Variants in C12orf42 observed in about 807,000 individuals in gnomAD.
C12orf42 encodes the protein chromosome 12 open reading frame 42.
Under a neutral mutation model 21.6 loss-of-function variants are expected in C12orf42, and 25 were observed. That is an observed-to-expected ratio of 1.16 (90% CI 0.84 to 1.62). The LOEUF (loss-of-function observed/expected upper bound fraction) is 1.62. Among genes scored for constraint, C12orf42 ranks in the 40% most tolerant of loss-of-function variants. The pLI, the probability that C12orf42 is intolerant of heterozygous loss-of-function variation, is 0.00. For missense variants in C12orf42, 483 were observed against 459.3 expected, an observed-to-expected ratio of 1.05 and a Z score of -0.47; for synonymous variants, 174 against 175.0, an observed-to-expected ratio of 0.99 and a Z score of 0.05.
chr12:103,073,949 A>T, the C12orf42 span, among the ~76,000 whole-genome samples: 2 of 152,094 alleles, frequency 1.3e-5, no homozygotes, highest in African/African-American at 4.8e-5. Flanking sequence ...TACACAGCTA[A>T]TTCTCCTCAT....
chr12:103,490,187 C>A (rs1214899697), intron 1 of C12orf42, among the ~76,000 whole-genome samples: 1 of 152,200 alleles, frequency 6.6e-6, no homozygotes, highest in Non-Finnish European at 1.5e-5. Context: ...AACAGCCTAT[C>A]TTCTGTATTG....
intron 2 of C12orf42, among the ~76,000 whole-genome samples, chr12:103,457,495 T>C (rs754928119): frequency 6.6e-6 from 1 of 152,174 alleles, no homozygotes; most frequent in Non-Finnish European, 1.5e-5. Flanking sequence ...TACATCCCTG[T>C]ACACTGTATT....
chr12:103,364,721 T>C (rs1384133406), intron 4 of C12orf42, among the ~76,000 whole-genome samples: 1 of 151,902 alleles, frequency 6.6e-6, no homozygotes, highest in South Asian at 2.1e-4. Flanking sequence ...CTACATAAAA[T>C]AGAAAACCTA....
intron 4 of C12orf42, among the ~76,000 whole-genome samples, chr12:103,287,855 G>A (rs571154344): frequency 3.3e-5 from 5 of 152,146 alleles, no homozygotes; most frequent in South Asian, 2.1e-4. Context: ...ACTTGTCACT[G>A]GAGTGAAAGT....
chr12:103,484,482 A>G (rs935129139), intron 1 of C12orf42, among the ~76,000 whole-genome samples: 2 of 152,094 alleles, frequency 1.3e-5, no homozygotes, highest in African/African-American at 2.4e-5. Context: ...GTCTGTTAGT[A>G]TCCTTTGCCC....
intron 2 of C12orf42, among the ~76,000 whole-genome samples, chr12:103,452,697 T>TA (rs1225524874): frequency 1.3e-5 from 2 of 151,866 alleles, no homozygotes; most frequent in Non-Finnish European, 1.5e-5. Flanking sequence ...TATGCAGCCA[T>TA]AAAAAAGGAT....
the C12orf42 span, among the ~76,000 whole-genome samples, chr12:103,184,349 G>A: frequency 0.36 from 54,974 of 152,064 alleles, 10,592 homozygotes; most frequent in South Asian, 0.44. Flanking sequence ...TTTATCAGGT[G>A]TTAATATAGT....
intron 1 of C12orf42, among the ~76,000 whole-genome samples, chr12:103,494,906 G>T (rs1955418951): frequency 6.6e-6 from 1 of 152,168 alleles, no homozygotes; most frequent in Non-Finnish European, 1.5e-5. Context: ...AGTTGTCACA[G>T]GGAGAAGAGT....
chr12:103,431,120 T>C (rs962301614), intron 2 of C12orf42: 17 of 152,002 alleles, frequency 1.1e-4, no homozygotes, highest in African/African-American at 3.9e-4. Flanking sequence ...CAAGGTACTA[T>C]GAGGAGAATA....
chr12:103,211,490 A>T, the C12orf42 span, among the ~76,000 whole-genome samples: 1 of 152,284 alleles, frequency 6.6e-6, no homozygotes, highest in Non-Finnish European at 1.5e-5. Context: ...CTCTCAAATC[A>T]CTTGCTGTGA....
the C12orf42 span, among the ~76,000 whole-genome samples, chr12:103,228,113 C>T: frequency 6.6e-5 from 10 of 152,088 alleles, no homozygotes; most frequent in East Asian, 3.9e-4. Context: ...ATTTCATGTG[C>T]GTCCGTGTGA....
chr12:103,115,708 A>G, the C12orf42 span, among the ~76,000 whole-genome samples: 4 of 152,220 alleles, frequency 2.6e-5, no homozygotes, highest in Non-Finnish European at 5.9e-5. Flanking sequence ...TATCTCCAAA[A>G]GTTAGTTCAA....
chr12:103,426,336 T>C (rs768007355), intron 2 of C12orf42, among the ~76,000 whole-genome samples: 1 of 152,112 alleles, frequency 6.6e-6, no homozygotes, highest in Non-Finnish European at 1.5e-5. Context: ...AAAGCTGAAT[T>C]GATCAAGTGG....
chr12:103,481,846 TTTTTC>T (rs1027772645), intron 1 of C12orf42, among the ~76,000 whole-genome samples: 5 of 151,738 alleles, frequency 3.3e-5, no homozygotes, highest in African/African-American at 1.2e-4. Context: ...ACTAAATTAT[TTTTTC>T]TTTTTCTTTT....
the C12orf42 span, among the ~76,000 whole-genome samples, chr12:103,533,357 A>C: frequency 1.6e-4 from 24 of 152,184 alleles, no homozygotes; most frequent in Non-Finnish European, 3.4e-4. Flanking sequence ...TCTTTAGTTC[A>C]GTATCTTCAA....
chr12:103,403,306 G>A (rs796379668), intron 2 of C12orf42, among the ~76,000 whole-genome samples: 3 of 151,628 alleles, frequency 2.0e-5, no homozygotes, highest in South Asian at 2.1e-4. Context: ...AACCTGGGAG[G>A]CAGAGCTTGC....
the C12orf42 span, among the ~76,000 whole-genome samples, chr12:103,140,316 A>C: frequency 6.6e-6 from 1 of 152,318 alleles, no homozygotes; most frequent in East Asian, 1.9e-4. Flanking sequence ...AGGCTGACCT[A>C]ATCTAGTCTA....
the C12orf42 span, among the ~76,000 whole-genome samples, chr12:103,071,342 C>G: frequency 6.6e-6 from 1 of 152,202 alleles, no homozygotes; most frequent in African/African-American, 2.4e-5. Context: ...AATAAATACA[C>G]GCAGAGACTC....
intron 1 of C12orf42, among the ~76,000 whole-genome samples, chr12:103,489,718 G>C (rs1955066966): frequency 6.6e-6 from 1 of 152,228 alleles, no homozygotes; most frequent in African/African-American, 2.4e-5. Context: ...TGCTACGCTA[G>C]AGTGAGCAAG....
Sources: gnomAD v4.1 joint callset for allele counts (sites outside exome capture counted in the v4.1 genomes callset) on GRCh38, gnomAD v4.1.1 for gene constraint, MANE v1.5 for transcripts, NCBI Gene and HGNC (gene_info 2026-07-23, HGNC 2026-07-21) for gene names.